The following ZNF609 variants were observed in gnomAD, a reference collection of about 807,000 sequenced individuals.
ZNF609 encodes zinc finger protein 609.
A neutral mutation model predicts 109.5 loss-of-function variants in ZNF609; 11 were observed. The observed-to-expected ratio is 0.10, with a 90% CI of 0.06 to 0.17. The LOEUF (loss-of-function observed/expected upper bound fraction) is 0.17. Ranked by LOEUF, ZNF609 falls within the 10% of genes least tolerant of loss-of-function variation. The pLI, the probability that ZNF609 is intolerant of heterozygous loss-of-function variation, is 1.00. For synonymous variants in ZNF609, 646 were observed against 662.0 expected (o/e 0.98, Z 0.37); for missense variants, 1,559 against 1,772.4 (o/e 0.88, Z 2.16).
chr15:64,543,187 A>G (rs781349984), intron 2 of ZNF609, among the ~76,000 whole-genome samples: 8 of 151,816 alleles, frequency 5.3e-5, no homozygotes, highest in Non-Finnish European at 7.4e-5. Flanking sequence ...AAATTTAAAA[A>G]TTCCAGTCTC....
intron 3 of ZNF609, chr15:64,631,164 G>T (rs1896068931): frequency 3.3e-6 from 2 of 608,444 alleles, no homozygotes; most frequent in South Asian, 2.9e-5. Context: ...CTTCCCATTG[G>T]TTCTCACAAA....
At chr15:64,475,190 T>A (rs776024532) in intron 1 of ZNF609, among the ~76,000 whole-genome samples, 8 of 151,300 alleles carry the variant, frequency 5.3e-5, no homozygotes, top group Non-Finnish European at 1.2e-4. Flanking sequence ...TCTCTTCTGT[T>A]CTGTTGGAAT....
chr15:64,566,016 TTTTG>T (rs1348633413), intron 2 of ZNF609, among the ~76,000 whole-genome samples: 1 of 151,940 alleles, frequency 6.6e-6, no homozygotes, highest in Non-Finnish European at 1.5e-5. Flanking sequence ...GCCCGGCTAA[TTTTG>T]TTTATTTTTT....
chr15:64,546,128 A>T (rs1472152471), intron 2 of ZNF609, among the ~76,000 whole-genome samples: 1 of 152,254 alleles, frequency 6.6e-6, no homozygotes, highest in African/African-American at 2.4e-5. Flanking sequence ...CCAGCTATGT[A>T]TGAGAGTTCT....
chr15:64,576,822 CAA>C lies in ZNF609; in HGVS notation c.748-45984_748-45983del, dbSNP rs57802165. Among the ~76,000 whole-genome samples the C allele has an allele frequency of 3.4e-3, 268 of 79,894 alleles. 1 individual carries two copies. The highest frequency in any genetic ancestry group is 0.013 in the African/African-American group (255 of 19,956). The allele number at this position is 79,894 out of a possible 152,430, so 52.4% of individuals were successfully genotyped here. On this transcript the variant is annotated intron_variant, in intron 2 of 9. Coordinates refer to ENST00000326648, the MANE Select transcript of ZNF609 (RefSeq NM_015042.2). ...TGGGAGACAGAGCGAGACTCCATCT[CAA>C]AAAAAAAAAAAAAAAAAAAAGAATG...
intron 2 of ZNF609, among the ~76,000 whole-genome samples, chr15:64,579,134 C>T (rs1895050809): frequency 6.6e-6 from 1 of 152,096 alleles, no homozygotes; most frequent in African/African-American, 2.4e-5. Flanking sequence ...TCCTCTTTCC[C>T]TCCATCACAG....
intron 2 of ZNF609, among the ~76,000 whole-genome samples, chr15:64,553,304 G>A (rs1053916954): frequency 1.3e-5 from 2 of 148,230 alleles, no homozygotes; most frequent in Non-Finnish European, 3.0e-5. Context: ...GACTTTAATT[G>A]GAATTGCATT....
rs959825480 is a variant in ZNF609, at chr15:64,480,061, A to G, written c.-128+19223A>G. On this transcript the variant is annotated intron_variant, in intron 1 of 9. Coordinates refer to ENST00000326648, the MANE Select transcript of ZNF609 (RefSeq NM_015042.2). ...AAACCAGCCTGGCGAACGTGGCAAA[A>G]CCCCGTCTCTACTAAAAATACAAAA... Among the ~76,000 whole-genome samples, 4 of 149,498 alleles carry G rather than the reference A, an allele frequency of 2.7e-5. No individual in the cohort carries two copies. In the East Asian group the frequency reaches 8.0e-4, roughly 30 times the overall value.
At chr15:64,514,650 T>C (rs1351784366) in intron 2 of ZNF609, among the ~76,000 whole-genome samples, 1 of 152,100 alleles carries the variant, frequency 6.6e-6, no homozygotes, top group Admixed American at 6.6e-5. Flanking sequence ...GCTTTTTTTT[T>C]TTTTTGAGAC....
chr15:64,519,829 G>A (rs1893865421), intron 2 of ZNF609, among the ~76,000 whole-genome samples: 1 of 152,082 alleles, frequency 6.6e-6, no homozygotes, highest in African/African-American at 2.4e-5. Flanking sequence ...AGCACTGACT[G>A]CCATTTAATA....
At chr15:64,566,399 T>C (rs1038780646) in intron 2 of ZNF609, among the ~76,000 whole-genome samples, 1 of 152,198 alleles carries the variant, frequency 6.6e-6, no homozygotes, top group African/African-American at 2.4e-5. Context: ...GCATGACCAG[T>C]CAGTGACTGA....
intron 2 of ZNF609, among the ~76,000 whole-genome samples, chr15:64,569,028 C>T (rs554619844): frequency 6.6e-6 from 1 of 152,318 alleles, no homozygotes; most frequent in South Asian, 2.1e-4. Context: ...ACATATGAAG[C>T]TTGCTCTATG....
At chr15:64,568,859 A>G (rs928820377) in intron 2 of ZNF609, among the ~76,000 whole-genome samples, 1 of 152,202 alleles carries the variant, frequency 6.6e-6, no homozygotes, top group Non-Finnish European at 1.5e-5. Context: ...ATGGAGTTAA[A>G]TTCTAGCTTT....
intron 2 of ZNF609, among the ~76,000 whole-genome samples, chr15:64,595,902 C>T (rs1046125443): frequency 1.3e-5 from 2 of 152,164 alleles, no homozygotes; most frequent in Non-Finnish European, 2.9e-5. Context: ...TGACAGAAAA[C>T]TGACCCCACC....
chr15:64,478,110 A>C (rs1893197904), intron 1 of ZNF609, among the ~76,000 whole-genome samples: 1 of 150,586 alleles, frequency 6.6e-6, no homozygotes, highest in African/African-American at 2.4e-5. Flanking sequence ...CCTATTTGCC[A>C]TTTTGTAAAA....
rs145193882 is a variant in ZNF609, at chr15:64,561,325, G to T, written c.747+61159G>T. On this transcript the variant is annotated intron_variant, in intron 2 of 9. Transcript: ENST00000326648. ...CTCTTCTAGAGAAATCTTTGTGAGG[G>T]CAGGTTCTTGGCTCTCTACTGATTA... Among the ~76,000 whole-genome samples, 57 of 152,156 alleles carry T rather than the reference G, an allele frequency of 3.7e-4. 2 individuals are homozygous for T. In the East Asian group the frequency reaches 0.011, roughly 29 times the overall value.
chr15:64,662,505 T>C (rs55812695), intron 3 of ZNF609, among the ~76,000 whole-genome samples: 64,357 of 152,028 alleles, frequency 0.42, 14,618 homozygotes, highest in Non-Finnish European at 0.51. Context: ...TAAAGAATTT[T>C]TTAGAGACAG....
chr15:64,528,662 G>C (rs760506618), intron 2 of ZNF609: 8 of 1,119,740 alleles, frequency 7.1e-6, no homozygotes, highest in South Asian at 1.3e-5. Context: ...GGTGGTCCAG[G>C]GGTCTTACTC....
chr15:64,473,129 T>G (rs1218951704), intron 1 of ZNF609, among the ~76,000 whole-genome samples: 1 of 151,704 alleles, frequency 6.6e-6, no homozygotes, highest in Non-Finnish European at 1.5e-5. Flanking sequence ...TATGCTTTTC[T>G]CCTTGAAGCA....
Sources: gnomAD v4.1 joint callset for allele counts (sites outside exome capture counted in the v4.1 genomes callset) on GRCh38, gnomAD v4.1.1 for gene constraint, MANE v1.5 for transcripts, NCBI Gene and HGNC (gene_info 2026-07-23, HGNC 2026-07-21) for gene names.